The following CAMK2B variants were observed in gnomAD, a reference collection of about 807,000 sequenced individuals.
CAMK2B encodes calcium/calmodulin-dependent protein kinase type II subunit beta.
A neutral mutation model predicts 93.7 loss-of-function variants in CAMK2B; 27 were observed. The ratio of observed to expected loss-of-function variants is 0.29; its 90% CI spans 0.21 to 0.40. The LOEUF is 0.40. Ranked by LOEUF, CAMK2B falls within the 10% of genes least tolerant of loss-of-function variation. CAMK2B has a pLI of 1.00. For missense variants in CAMK2B, 568 were observed against 895.8 expected (o/e 0.63, Z 4.67); for synonymous variants, 374 against 358.8 (o/e 1.04, Z -0.48).
chr7:44,276,443 T>G (rs1012119622), intron 2 of CAMK2B, among the ~76,000 whole-genome samples: 2 of 151,916 alleles, frequency 1.3e-5, no homozygotes, highest in South Asian at 4.2e-4. Context: ...CGCCACCCAC[T>G]GCACAAAGGG....
intron 3 of CAMK2B, 21 bp downstream of exon 3, chr7:44,262,984 T>C: frequency 6.2e-7 from 1 of 1,609,032 alleles, no homozygotes. Flanking sequence ...CCATCCCCGC[T>C]CCCTACCCCA....
chr7:44,247,765 T>C (rs887975633), intron 5 of CAMK2B, among the ~76,000 whole-genome samples: 2 of 152,206 alleles, frequency 1.3e-5, no homozygotes, highest in Non-Finnish European at 2.9e-5. Context: ...CGGTGGTTCA[T>C]ACCTGTAATC....
chr7:44,270,722 A>C (rs1418811234), intron 2 of CAMK2B, among the ~76,000 whole-genome samples: 4 of 152,172 alleles, frequency 2.6e-5, no homozygotes, highest in Admixed American at 6.5e-5. Context: ...GGGCCACAGC[A>C]CAGAGGGGCC....
intron 20 of CAMK2B, 46 bp from the exon 21 acceptor site, chr7:44,220,947 C>A: frequency 4.0e-6 from 6 of 1,500,198 alleles, no homozygotes; most frequent in Non-Finnish European, 5.4e-6. Context: ...TGGCCCATTC[C>A]CCCCGGACCC....
chr7:44,280,864 C>A (rs978602931), intron 2 of CAMK2B, among the ~76,000 whole-genome samples: 1 of 152,178 alleles, frequency 6.6e-6, no homozygotes, highest in African/African-American at 2.4e-5. Context: ...GCAGGTGAAA[C>A]GCCCATGTGG....
Position 44,325,343 on chromosome 7 carries a change from G to A in CAMK2B, c.65+14C>T. On this transcript the variant is annotated intron_variant, in intron 1 of 23. Transcript: ENST00000395749. ...GGGGTCCCCGGCCCAGCCCGCGCGCGCCGCTGCTCTTACTTGCCAATATCC... is the reference window on the plus strand; with the variant it reads ...GGGGTCCCCGGCCCAGCCCGCGCGCACCGCTGCTCTTACTTGCCAATATCC... 1.6e-6 allele frequency: 2 copies of A among 1,235,668 alleles called. No homozygotes were observed. Among genetic ancestry groups the A allele is most frequent in the South Asian group, 1.6e-5 (1 of 61,694 alleles). 76.5% of individuals were successfully genotyped at this position (1,235,668 alleles called of 1,614,324 possible). A position where few individuals can be genotyped will look rare whatever the true frequency, so the allele number is the denominator to read the frequency against.
chr7:44,247,761 T>C (rs1049692464), intron 5 of CAMK2B, among the ~76,000 whole-genome samples: 2 of 152,124 alleles, frequency 1.3e-5, no homozygotes, highest in Non-Finnish European at 2.9e-5. Flanking sequence ...GGCGCGGTGG[T>C]TCATACCTGT....
At chr7:44,308,777 G>A (rs1792651116) in intron 1 of CAMK2B, among the ~76,000 whole-genome samples, 1 of 152,226 alleles carries the variant, frequency 6.6e-6, no homozygotes, top group Non-Finnish European at 1.5e-5. Context: ...GCACAGAGAA[G>A]GCACTTTGCC....
At chr7:44,226,134 C>G (rs980993682) in intron 20 of CAMK2B, among the ~76,000 whole-genome samples, 1 of 152,206 alleles carries the variant, frequency 6.6e-6, no homozygotes, top group African/African-American at 2.4e-5. Context: ...CCCGGCCCAG[C>G]AGGTCCACCT....
At chr7:44,229,580 G>A (rs996162561) in intron 17 of CAMK2B, 79 bp from the exon 18 acceptor site, 17 of 612,940 alleles carry the variant, frequency 2.8e-5, no homozygotes, top group Non-Finnish European at 4.0e-5. Context: ...GACAGGGGGA[G>A]GCCAGGAGGG....
At chr7:44,220,473 T>C in intron 22 of CAMK2B, 143 bp downstream of exon 22, 3 of 857,994 alleles carry the variant, frequency 3.5e-6, no homozygotes, top group Non-Finnish European at 5.4e-6. Context: ...GTATGGCCTC[T>C]GGCGGGGGAG....
intron 1 of CAMK2B, among the ~76,000 whole-genome samples, chr7:44,291,484 A>G (rs1208168619): frequency 6.6e-6 from 1 of 152,206 alleles, no homozygotes; most frequent in Non-Finnish European, 1.5e-5. Context: ...ACCCTACTGG[A>G]GACAAGCAGC....
At chr7:44,269,454 G>A (rs2096952311) in intron 2 of CAMK2B, among the ~76,000 whole-genome samples, 1 of 152,220 alleles carries the variant, frequency 6.6e-6, no homozygotes, top group African/African-American at 2.4e-5. Flanking sequence ...GGTCCGGGAT[G>A]GAGCTGGCAG....
chr7:44,321,447 A>G (rs982387266), intron 1 of CAMK2B, among the ~76,000 whole-genome samples: 3 of 152,098 alleles, frequency 2.0e-5, no homozygotes, highest in Admixed American at 6.5e-5. Context: ...GAGATGCCCT[A>G]GACTGGAGCT....
intron 4 of CAMK2B, among the ~76,000 whole-genome samples, chr7:44,257,259 TGGCTGA>T (rs955285593): frequency 4.6e-5 from 7 of 152,206 alleles, no homozygotes; most frequent in Admixed American, 2.0e-4. Flanking sequence ...GCCTGGAGGC[TGGCTGA>T]GGCACAGGGG....
chr7:44,325,110 G>T (rs995054066), intron 1 of CAMK2B: 1 of 150,792 alleles, frequency 6.6e-6, no homozygotes, highest in East Asian at 2.0e-4. Context: ...CGCGAGCCCG[G>T]AGCCCCGGCC....
chr7:44,224,420 A>G lies in CAMK2B; in HGVS notation c.1597+2096T>C, dbSNP rs536528785. ...TCGGGAAACCTGCTGGCTGAGGACAAGCTGTCCTGGCAGTTCCAGAGACAA... is the reference window on the plus strand; with the variant it reads ...TCGGGAAACCTGCTGGCTGAGGACAGGCTGTCCTGGCAGTTCCAGAGACAA... On this transcript the variant is annotated intron_variant, in intron 20 of 23. Coordinates refer to ENST00000395749, the MANE Select transcript of CAMK2B (RefSeq NM_001220.5). This position sits in a 1 kb window ranked among gnomAD's most constrained non-coding sequence, Gnocchi z 4.4. Among the ~76,000 whole-genome samples the G allele has an allele frequency of 3.3e-4, 51 of 152,352 alleles. No homozygotes were observed. The highest frequency in any genetic ancestry group is 1.2e-3 in the African/African-American group (51 of 41,580).
rs1373824352 is a variant in CAMK2B at position 44,311,078 on chromosome 7, AT to A, written c.65+14278del. 1.3e-5 allele frequency among the ~76,000 whole-genome samples: 2 copies of A among 151,952 alleles called. No homozygotes were observed. The highest frequency in any genetic ancestry group is 4.8e-5 in the African/African-American group (2 of 41,368). On this transcript the variant is annotated intron_variant, in intron 1 of 23. Coordinates refer to ENST00000395749, the MANE Select transcript of CAMK2B (RefSeq NM_001220.5). This position sits in a 1 kb window ranked among gnomAD's most constrained non-coding sequence, Gnocchi z 4.2. ...TTAAAATCTGGTTTTTATTTTTATT[AT>A]TTTTTTACTTTTTTGAGACAGTCTC...
chr7:44,306,267 G>A (rs1014082686), intron 1 of CAMK2B, among the ~76,000 whole-genome samples: 2 of 152,082 alleles, frequency 1.3e-5, no homozygotes, highest in African/African-American at 4.8e-5. Flanking sequence ...CAGCCTCGGT[G>A]GGAAGTTCCC....
Sources: allele counts gnomAD v4.1 joint callset (sites outside exome capture counted in the v4.1 genomes callset), GRCh38; gene constraint gnomAD v4.1.1; non-coding constraint Gnocchi (gnomAD v3.1); transcripts MANE v1.5; gene names NCBI Gene and HGNC (gene_info 2026-07-23, HGNC 2026-07-21).